Variants in BOLA3 observed in about 807,000 individuals in gnomAD.
BOLA3 encodes the protein bolA family member 3.
In BOLA3, 8 loss-of-function variants were observed where a neutral mutation model predicts 14.5. The observed-to-expected ratio is 0.55, with a 90% CI of 0.32 to 0.99. BOLA3 has a LOEUF of 0.99. Among genes scored for constraint, BOLA3 ranks in the 50% least tolerant of loss-of-function variants. The probability of loss-of-function intolerance (pLI) is 0.04; values close to 1 mark genes in which losing one functional copy is unlikely to be tolerated. For synonymous variants in BOLA3, 42 were observed against 45.7 expected (o/e 0.92, Z 0.33); for missense variants, 115 against 138.2 (o/e 0.83, Z 0.84).
chr2:74,142,538 G>A (rs1233722634), intron 2 of BOLA3, among the ~76,000 whole-genome samples, 178 bp from the exon 3 acceptor site: 2 of 152,110 alleles, frequency 1.3e-5, no homozygotes, highest in Admixed American at 6.6e-5. Flanking sequence ...TGCTCCTCCT[G>A]ACAGGCTGCC....
chr2:74,144,111 G>A (rs1431660412), intron 2 of BOLA3, among the ~76,000 whole-genome samples: 1 of 150,246 alleles, frequency 6.7e-6, no homozygotes, highest in Non-Finnish European at 1.5e-5. Context: ...GTTCAAGCAA[G>A]TCTCCTGCCT....
In BOLA3 at chr2:74,147,594, T is replaced by C. The variant is rs914286374; in HGVS notation, c.54+227A>G. 1.2e-5 allele frequency: 7 copies of C among 578,694 alleles called. No homozygotes were observed. In the Admixed American group the frequency reaches 2.1e-4, roughly 17 times the overall value. The allele number at this position is 578,694 out of a possible 1,614,324, so 35.8% of individuals were successfully genotyped here. A position where few individuals can be genotyped will look rare whatever the true frequency, so the allele number is the denominator to read the frequency against. On this transcript the variant is annotated intron_variant, in intron 1 of 3. Transcript: ENST00000327428. ...GCCTGACCTCCAACCTCCACCCAGC[T>C]CGGGAGCTCCCCTAGAGCGCGCCAG...
intron 3 of BOLA3, among the ~76,000 whole-genome samples, chr2:74,141,716 G>A (rs1692441298): frequency 6.6e-6 from 1 of 152,126 alleles, no homozygotes. Flanking sequence ...ACCCAGTGAG[G>A]GGGCAAATTC....
intron 3 of BOLA3, among the ~76,000 whole-genome samples, chr2:74,138,740 C>G (rs1363030061): frequency 1.3e-5 from 2 of 152,214 alleles, no homozygotes; most frequent in Non-Finnish European, 2.9e-5. Context: ...GGGCAATCCC[C>G]TAAGCTGGAA....
At chr2:74,140,689 G>C (rs373699804) in intron 3 of BOLA3, among the ~76,000 whole-genome samples, 3 of 152,300 alleles carry the variant, frequency 2.0e-5, no homozygotes, top group Non-Finnish European at 2.9e-5. Context: ...ACTGGTGCAG[G>C]TTCCTTCCAG....
chr2:74,147,890 C>T lies in BOLA3; in HGVS notation c.-16G>A. The T allele has an allele frequency of 6.6e-7, 1 of 1,513,536 alleles. No individual in the cohort carries two copies. Among genetic ancestry groups the T allele is most frequent in the Non-Finnish European group, 8.8e-7 (1 of 1,138,400 alleles). 93.8% of individuals were successfully genotyped at this position (1,513,536 alleles called of 1,614,324 possible). ...ATGCAGCCATGCCCGGCCGACGTGA[C>T]CCGCCGCCCGAGGTCACTGTATGCC... is the stretch of plus-strand genomic sequence containing the variant. On this transcript the variant is annotated 5_prime_UTR_variant, in exon 1 of 4. Coordinates refer to ENST00000327428, the MANE Select transcript of BOLA3 (RefSeq NM_212552.3).
chr2:74,138,888 C>G (rs150600659), intron 3 of BOLA3, among the ~76,000 whole-genome samples: 58 of 152,316 alleles, frequency 3.8e-4, no homozygotes, highest in African/African-American at 1.3e-3. Context: ...CTGTCCACCT[C>G]AAAAGGCAAC....
chr2:74,140,049 C>T (rs540396484), intron 3 of BOLA3, among the ~76,000 whole-genome samples: 9 of 152,214 alleles, frequency 5.9e-5, no homozygotes, highest in African/African-American at 1.7e-4. Context: ...TTTGGGAGGC[C>T]GAGGCAGGTG....
chr2:74,147,707 A>G, intron 1 of BOLA3, 114 bp downstream of exon 1: 1 of 956,440 alleles, frequency 1.0e-6, no homozygotes, highest in South Asian at 1.4e-5. Flanking sequence ...CCCCATTGCC[A>G]GTGCCGCGCG....
intron 3 of BOLA3, 81 bp downstream of exon 3, chr2:74,142,191 G>A (rs920284222): frequency 1.5e-5 from 16 of 1,046,920 alleles, no homozygotes; most frequent in African/African-American, 7.8e-5. Context: ...TGCAACTGAC[G>A]GCAAAAACCA....
chr2:74,143,853 ATT>A (rs3045552), intron 2 of BOLA3, among the ~76,000 whole-genome samples: 249 of 139,726 alleles, frequency 1.8e-3, no homozygotes, highest in Middle Eastern at 3.8e-3. Context: ...TGCCTGGCTA[ATT>A]TTTTTTTTTT....
At chr2:74,140,911 C>T (rs1015229264) in intron 3 of BOLA3, among the ~76,000 whole-genome samples, 4 of 152,182 alleles carry the variant, frequency 2.6e-5, no homozygotes, top group African/African-American at 9.7e-5. Context: ...TAGCAAAGCC[C>T]AGATTTGAAA....
rs1219403620 is a variant in BOLA3, at chr2:74,147,897, C to T, written c.-23G>A. On this transcript the variant is annotated 5_prime_UTR_variant, in exon 1 of 4. Transcript: ENST00000327428. The stretch of plus-strand genomic sequence containing the variant: ...CATGCCCGGCCGACGTGACCCGCCG[C>T]CCGAGGTCACTGTATGCCCGAAAGA... The T allele has an allele frequency of 7.9e-6, 12 of 1,512,848 alleles. No homozygotes were observed. The East Asian group carries it at 3.2e-4, about 40-fold the overall frequency. The allele number at this position is 1,512,848 out of a possible 1,614,324, so 93.7% of individuals were successfully genotyped here. A position where few individuals can be genotyped will look rare whatever the true frequency, so the allele number is the denominator to read the frequency against.
At chr2:74,136,028 C>T (rs1302418771) in intron 3 of BOLA3, among the ~76,000 whole-genome samples, 1 of 150,788 alleles carries the variant, frequency 6.6e-6, no homozygotes, top group Non-Finnish European at 1.5e-5. Context: ...CGGCTTACTG[C>T]AAACTCCACC....
intron 2 of BOLA3, among the ~76,000 whole-genome samples, chr2:74,144,360 C>A (rs139242359): frequency 1.3e-5 from 2 of 152,340 alleles, no homozygotes; most frequent in East Asian, 3.9e-4. Context: ...ATAAAATCTA[C>A]TTTCTAAACT....
chr2:74,140,752 A>G (rs894846779), intron 3 of BOLA3, among the ~76,000 whole-genome samples: 2 of 152,182 alleles, frequency 1.3e-5, no homozygotes, highest in Non-Finnish European at 2.9e-5. Flanking sequence ...AAGGCTTACT[A>G]TGTGTCGGGC....
intron 3 of BOLA3, among the ~76,000 whole-genome samples, chr2:74,140,710 G>A (rs186521370): frequency 6.6e-6 from 1 of 152,354 alleles, no homozygotes; most frequent in East Asian, 1.9e-4. Flanking sequence ...TGTTGGAGAT[G>A]ACAATGATGG....
At chr2:74,145,739 C>T in intron 1 of BOLA3, 2 of 236,522 alleles carry the variant, frequency 8.5e-6, no homozygotes, top group Non-Finnish European at 1.7e-5. Context: ...CATCCACTGC[C>T]CTGGATGGTG....
chr2:74,147,426 TC>T (rs1692565361), intron 1 of BOLA3: 1 of 285,832 alleles, frequency 3.5e-6, no homozygotes, highest in African/African-American at 2.3e-5. Context: ...AGAGGCCCAG[TC>T]GACCTTCCCA....
Sources: allele counts gnomAD v4.1 joint callset (sites outside exome capture counted in the v4.1 genomes callset), GRCh38; gene constraint gnomAD v4.1.1; transcripts MANE v1.5; gene names NCBI Gene and HGNC (gene_info 2026-07-23, HGNC 2026-07-21).